GRIP1: variants seen among roughly 807,000 people sequenced by gnomAD.
GRIP1 encodes glutamate receptor-interacting protein 1.
A neutral mutation model predicts 129.9 loss-of-function variants in GRIP1; 45 were observed. That is an observed-to-expected ratio of 0.35 (90% CI 0.27 to 0.44). The LOEUF (loss-of-function observed/expected upper bound fraction) is 0.44. Ranked by LOEUF, GRIP1 falls within the 20% of genes least tolerant of loss-of-function variation. The pLI, the probability that GRIP1 is intolerant of heterozygous loss-of-function variation, is 1.00. For missense variants in GRIP1, 1,196 were observed against 1,396.8 expected (o/e 0.86, Z 2.29); for synonymous variants, 530 against 520.8 (o/e 1.02, Z -0.24).
chr12:66,542,285 C>T (rs1001809843), intron 2 of GRIP1, among the ~76,000 whole-genome samples: 3 of 152,016 alleles, frequency 2.0e-5, no homozygotes, highest in Non-Finnish European at 4.4e-5. Context: ...CCAATGGGAA[C>T]AATTAAAAAT....
chr12:66,912,091 A>T (rs1001516473), intron 1 of GRIP1, among the ~76,000 whole-genome samples: 1 of 152,206 alleles, frequency 6.6e-6, no homozygotes, highest in Non-Finnish European at 1.5e-5. Flanking sequence ...AATGATTACA[A>T]CTTTTAAAAA....
At chr12:66,429,049 A>G (rs74875147) in intron 14 of GRIP1, among the ~76,000 whole-genome samples, 233 of 152,304 alleles carry the variant, frequency 1.5e-3, no homozygotes, top group African/African-American at 5.3e-3. Flanking sequence ...TAACATCAAT[A>G]AAAGCAATGC....
At chr12:66,663,125 A>G (rs2033608217) in intron 1 of GRIP1, among the ~76,000 whole-genome samples, 1 of 152,226 alleles carries the variant, frequency 6.6e-6, no homozygotes. Context: ...TTATGCCCAC[A>G]AGCTCTACCA....
chr12:66,422,506 C>T (rs1390156932), intron 14 of GRIP1, among the ~76,000 whole-genome samples: 1 of 152,184 alleles, frequency 6.6e-6, no homozygotes, highest in Admixed American at 6.5e-5. Flanking sequence ...TTTCTAGCAT[C>T]TGCCAATGAA....
chr12:66,718,667 A>G (rs983548904), intron 1 of GRIP1, among the ~76,000 whole-genome samples: 4 of 152,056 alleles, frequency 2.6e-5, no homozygotes, highest in Non-Finnish European at 5.9e-5. Context: ...CCTAACCAAC[A>G]TAGTGAAACC....
intron 4 of GRIP1, among the ~76,000 whole-genome samples, chr12:66,538,654 T>C (rs1043396668): frequency 1.3e-5 from 2 of 151,858 alleles, no homozygotes. Flanking sequence ...CCAGGCTGGA[T>C]GGCAGTGGCG....
chr12:67,047,483 T>C (rs1262319509), intron 1 of GRIP1, among the ~76,000 whole-genome samples: 1 of 152,162 alleles, frequency 6.6e-6, no homozygotes, highest in Non-Finnish European at 1.5e-5. Flanking sequence ...ATACCCAAAA[T>C]TTAAAGTCAG....
intron 1 of GRIP1, among the ~76,000 whole-genome samples, chr12:67,047,369 T>C (rs1318966702): frequency 2.2e-4 from 34 of 152,292 alleles, no homozygotes; most frequent in Admixed American, 2.2e-3. Context: ...CACAATCCAA[T>C]TGCAAGATAA....
At chr12:66,921,240 A>C (rs2041207538) in intron 1 of GRIP1, among the ~76,000 whole-genome samples, 1 of 152,232 alleles carries the variant, frequency 6.6e-6, no homozygotes, top group Admixed American at 6.5e-5. Flanking sequence ...CAGACACAAA[A>C]TAGCAAAGAA....
chr12:66,754,487 G>A (rs546921977), intron 1 of GRIP1, among the ~76,000 whole-genome samples: 1 of 152,228 alleles, frequency 6.6e-6, no homozygotes, highest in South Asian at 2.1e-4. Context: ...AGATTAAGTT[G>A]CGGGTTTAAA....
chr12:66,838,488 A>C lies in GRIP1; in HGVS notation c.58+230562T>G, dbSNP rs202133466. Among the ~76,000 whole-genome samples, 6 of 152,204 alleles carry C rather than the reference A, an allele frequency of 3.9e-5. No homozygotes were observed. The East Asian group carries it at 1.2e-3, about 29-fold the overall frequency. On this transcript the variant is annotated intron_variant, in intron 1 of 1. Coordinates refer to the GRIP1 transcript ENST00000643019. ...GCCTAGAGTAAACACAGGAGACGCA[A>C]AACTCTGATCAGACAAGAATCTTGC...
At chr12:66,663,153 C>T (rs142588883) in intron 1 of GRIP1, among the ~76,000 whole-genome samples, 59 of 152,250 alleles carry the variant, frequency 3.9e-4, no homozygotes, top group African/African-American at 1.4e-3. Context: ...AGATGACTAT[C>T]ATTCTTTATG....
At position 67,048,463 on chromosome 12, in the gene GRIP1, T is replaced by A. The variant is rs1045304859; in HGVS notation, c.58+20587A>T. On this transcript the variant is annotated intron_variant, in intron 1 of 1. Coordinates refer to the GRIP1 transcript ENST00000643019. ...AAACGTATACATATACGCACACACA[T>A]ACATTTTTTTTTTTAAAGATGAAGT... Among the ~76,000 whole-genome samples the A allele has an allele frequency of 6.6e-5, 10 of 152,162 alleles. No homozygotes were observed. In the South Asian group the frequency reaches 2.1e-3, roughly 32 times the overall value.
At chr12:66,822,148 A>T (rs1255344333) in intron 1 of GRIP1, among the ~76,000 whole-genome samples, 1 of 152,228 alleles carries the variant, frequency 6.6e-6, no homozygotes, top group African/African-American at 2.4e-5. Context: ...AGCTTATAAA[A>T]GCCCAGAAGC....
chr12:67,068,870 C>CCA (rs2043683586), intron 1 of GRIP1, among the ~76,000 whole-genome samples: 1 of 101,700 alleles, frequency 9.8e-6, no homozygotes, highest in African/African-American at 3.9e-5. Context: ...CCCCCCCCCG[C>CCA]AAAAAAAATG....
intron 1 of GRIP1, among the ~76,000 whole-genome samples, chr12:66,703,174 C>T (rs1185369752): frequency 6.6e-5 from 10 of 152,026 alleles, no homozygotes; most frequent in Admixed American, 6.6e-4. Flanking sequence ...GACTGGCCCA[C>T]CTGGAGTGTG....
chr12:66,677,989 G>GT (rs988118248), intron 1 of GRIP1, among the ~76,000 whole-genome samples: 25 of 151,606 alleles, frequency 1.6e-4, no homozygotes, highest in African/African-American at 4.4e-4. Context: ...TCAGAATGAA[G>GT]TTTTTTTTTA....
At chr12:66,747,556 T>C (rs1252897676) in intron 1 of GRIP1, among the ~76,000 whole-genome samples, 2 of 152,126 alleles carry the variant, frequency 1.3e-5, no homozygotes, top group African/African-American at 4.8e-5. Context: ...AAAGGAATTT[T>C]ATTTCAGGCC....
intron 23 of GRIP1, among the ~76,000 whole-genome samples, chr12:66,357,967 C>CATTG (rs1374062452): frequency 6.6e-6 from 1 of 152,158 alleles, no homozygotes; most frequent in Admixed American, 6.5e-5. Context: ...AATCTCGGCT[C>CATTG]ATTGAAACCT....
Sources: gnomAD v4.1 joint callset for allele counts (sites outside exome capture counted in the v4.1 genomes callset) on GRCh38, gnomAD v4.1.1 for gene constraint, MANE v1.5 for transcripts, NCBI Gene and HGNC (gene_info 2026-07-23, HGNC 2026-07-21) for gene names.